Variants in SKA1 observed in about 807,000 individuals in gnomAD.
SKA1 encodes the protein SKA complex subunit 1.
SKA1 carries 20 observed loss-of-function variants against 31.8 expected under a neutral mutation model. The observed-to-expected ratio is 0.63, with a 90% confidence interval of 0.44 to 0.91. The LOEUF is 0.91. Ranked by LOEUF, SKA1 falls within the 40% of genes least tolerant of loss-of-function variation. The probability of loss-of-function intolerance (pLI) is 0.00; values close to 1 mark genes in which losing one functional copy is unlikely to be tolerated. For missense variants in SKA1, 253 were observed against 298.2 expected, an observed-to-expected ratio of 0.85 and a Z score of 1.12; for synonymous variants, 88 against 100.5, an observed-to-expected ratio of 0.88 and a Z score of 0.74.
rs752681177 is a variant in SKA1, at chr18:50,380,134, C to T, written c.97C>T (p.Pro33Ser). Reference sequence around the variant, plus strand: ...ATTTTTGTTTATAACAGGCCAGGAACCTACCTTGAAAACTGTATTAAATAA... The same window carrying T: ...ATTTTTGTTTATAACAGGCCAGGAATCTACCTTGAAAACTGTATTAAATAA... ...TLSLRNCGQE[P>S]TLKTVLNKIG... The change falls in exon 3 of 7, where the codon CCT becomes TCT. Residue 33 changes from proline (P) to serine (S), a missense_variant. Physicochemically the swap from Pro to Ser is moderately conservative, Grantham distance 74. Transcript: ENST00000285116. 1 of 1,528,214 alleles carries T rather than the reference C, an allele frequency of 6.5e-7. No homozygotes were observed. Among genetic ancestry groups the T allele is most frequent in the Non-Finnish European group, 8.7e-7 (1 of 1,147,288 alleles). 94.7% of individuals were successfully genotyped at this position (1,528,214 alleles called of 1,614,324 possible).
At chr18:50,376,087 T>G (rs2041213103) in intron 2 of SKA1, among the ~76,000 whole-genome samples, 169 bp downstream of exon 2, 1 of 152,228 alleles carries the variant, frequency 6.6e-6, no homozygotes, top group South Asian at 2.1e-4. Context: ...TGGAGGATAC[T>G]AAAAATGTAA....
At chr18:50,384,489 G>A (rs2041286353) in intron 4 of SKA1, among the ~76,000 whole-genome samples, 1 of 152,010 alleles carries the variant, frequency 6.6e-6, no homozygotes, top group Non-Finnish European at 1.5e-5. Context: ...TGAATCCAGG[G>A]GTGACCCATG....
chr18:50,381,990 G>C, intron 3 of SKA1, 139 bp from the exon 4 acceptor site: 1 of 580,038 alleles, frequency 1.7e-6, no homozygotes. Flanking sequence ...CTCCCAAGGT[G>C]CTGGGATTAC....
At chr18:50,378,287 C>T (rs547081486) in intron 2 of SKA1, among the ~76,000 whole-genome samples, 1 of 152,132 alleles carries the variant, frequency 6.6e-6, no homozygotes, top group Non-Finnish European at 1.5e-5. Flanking sequence ...TGTCAACTGT[C>T]ATTTTGTATG....
At chr18:50,379,037 TG>T (rs1441754847) in intron 2 of SKA1, among the ~76,000 whole-genome samples, 1 of 152,090 alleles carries the variant, frequency 6.6e-6, no homozygotes, top group East Asian at 1.9e-4. Context: ...GCCTTCTACC[TG>T]GTTCACTCTA....
intron 4 of SKA1, among the ~76,000 whole-genome samples, chr18:50,384,097 A>G (rs2149321052): frequency 6.6e-6 from 1 of 152,262 alleles, no homozygotes; most frequent in South Asian, 2.1e-4. Flanking sequence ...TAAGCTTTAT[A>G]TTATGTTACA....
At chr18:50,377,396 A>G (rs1012813172) in intron 2 of SKA1, among the ~76,000 whole-genome samples, 8 of 152,236 alleles carry the variant, frequency 5.3e-5, no homozygotes, top group Admixed American at 3.9e-4. Flanking sequence ...ACTGATGTAG[A>G]GCTCCATAGG....
intron 3 of SKA1, among the ~76,000 whole-genome samples, chr18:50,381,503 T>C (rs2041261949): frequency 6.6e-6 from 1 of 152,176 alleles, no homozygotes; most frequent in Non-Finnish European, 1.5e-5. Flanking sequence ...AAGTTCTTTA[T>C]ATATTTCTTA....
intron 5 of SKA1, among the ~76,000 whole-genome samples, chr18:50,389,956 G>A (rs2041343757): frequency 6.6e-6 from 1 of 152,150 alleles, no homozygotes; most frequent in African/African-American, 2.4e-5. Context: ...TAGAAGATTA[G>A]GGTGAAAAAA....
intron 3 of SKA1, 97 bp downstream of exon 3, chr18:50,380,347 T>C: frequency 7.5e-7 from 1 of 1,330,174 alleles, no homozygotes; most frequent in Non-Finnish European, 1.0e-6. Flanking sequence ...TATAATGTTT[T>C]TTGTTTATAA....
chr18:50,391,679 C>G (rs1309059610), intron 6 of SKA1, among the ~76,000 whole-genome samples: 1 of 152,176 alleles, frequency 6.6e-6, no homozygotes, highest in Admixed American at 6.5e-5. Flanking sequence ...GTTGATATAG[C>G]TACTTACTGT....
At chr18:50,382,065 T>C in intron 3 of SKA1, 64 bp from the exon 4 acceptor site, 1 of 996,410 alleles carries the variant, frequency 1.0e-6, no homozygotes, top group East Asian at 2.8e-5. Flanking sequence ...CCCTGCTCTT[T>C]AGAATATCTT....
chr18:50,390,754 A>G (rs558925116), intron 5 of SKA1, among the ~76,000 whole-genome samples: 3 of 152,128 alleles, frequency 2.0e-5, no homozygotes, highest in African/African-American at 4.8e-5. Context: ...CTAGAGTGCT[A>G]TAAGTTGTAT....
intron 2 of SKA1, among the ~76,000 whole-genome samples, chr18:50,376,396 A>C (rs1393783746): frequency 1.3e-5 from 2 of 152,254 alleles, no homozygotes; most frequent in Non-Finnish European, 2.9e-5. Flanking sequence ...AAACCCGTAT[A>C]GCATGTGACT....
rs2041375177 is a variant in SKA1, at chr18:50,393,275, A to T, written c.*1028A>T. 1 of 152,652 alleles carries T rather than the reference A, an allele frequency of 6.6e-6. No homozygotes were observed. The highest frequency in any genetic ancestry group is 1.5e-5 in the Non-Finnish European group (1 of 68,454). 9.5% of individuals were successfully genotyped at this position (152,652 alleles called of 1,614,324 possible). ...CAGTGAGCCGAGATCGTGCCACTGCACTCCAGTCTGGGCAACAGAGCGAGA... is the reference window on the plus strand; with the variant it reads ...CAGTGAGCCGAGATCGTGCCACTGCTCTCCAGTCTGGGCAACAGAGCGAGA... On this transcript the variant is annotated 3_prime_UTR_variant, in exon 7 of 7. Transcript: ENST00000285116.
chr18:50,378,858 A>G (rs190484585), intron 2 of SKA1, among the ~76,000 whole-genome samples: 1 of 150,622 alleles, frequency 6.6e-6, no homozygotes, highest in East Asian at 2.0e-4. Flanking sequence ...TGAGTGTCAA[A>G]TGCAAGTAGT....
intron 2 of SKA1, 74 bp from the exon 3 acceptor site, chr18:50,380,052 A>T: frequency 7.8e-7 from 1 of 1,282,594 alleles, no homozygotes; most frequent in Non-Finnish European, 1.0e-6. Context: ...ATCTATTCTA[A>T]GAGTTCGCAT....
intron 2 of SKA1, 49 bp from the exon 3 acceptor site, chr18:50,380,077 A>T: frequency 7.0e-7 from 1 of 1,431,390 alleles, no homozygotes; most frequent in Non-Finnish European, 9.2e-7. Context: ...ACTTATAGCT[A>T]CTGCTTTTCT....
At position 50,382,140 on chromosome 18, in the gene SKA1, A is replaced by C. The variant is rs747605789; in HGVS notation, c.225A>C (p.Glu75Asp). Reference protein sequence around the residue: ...QTNNSLKELCESLEEDYKDIE... With the variant: ...QTNNSLKELCDSLEEDYKDIE... ...CTTTTAAATTTTAGGAACTCTGTGA[A>C]TCTCTTGAAGAAGATTACAAAGACA... Residue 75 changes from glutamate (E) to aspartate (D), a missense_variant, in exon 4 of 7, where the codon GAA becomes GAC. Transcript: ENST00000285116. 1.3e-6 allele frequency: 2 copies of C among 1,533,392 alleles called. No homozygotes were observed. The highest frequency in any genetic ancestry group is 1.7e-6 in the Non-Finnish European group (2 of 1,146,834). The allele number at this position is 1,533,392 out of a possible 1,614,324, so 95.0% of individuals were successfully genotyped here.
Sources: gnomAD v4.1 joint callset for allele counts (sites outside exome capture counted in the v4.1 genomes callset) on GRCh38, gnomAD v4.1.1 for gene constraint, MANE v1.5 for transcripts, NCBI Gene and HGNC (gene_info 2026-07-23, HGNC 2026-07-21) for gene names.